TASOR2: variants seen among roughly 807,000 people sequenced by gnomAD.
The protein encoded by TASOR2 is transcription activation suppressor family member 2.
A neutral mutation model predicts 199.5 loss-of-function variants in TASOR2; 84 were observed. The ratio of observed to expected loss-of-function variants is 0.42; its 90% confidence interval spans 0.35 to 0.50. The LOEUF (loss-of-function observed/expected upper bound fraction) is 0.50, where lower values mean the gene tolerates loss of function less well. Ranked by LOEUF, TASOR2 falls within the 20% of genes least tolerant of loss-of-function variation. The pLI, the probability that TASOR2 is intolerant of heterozygous loss-of-function variation, is 0.02. For synonymous variants in TASOR2, 1,103 were observed against 1,046.6 expected, an observed-to-expected ratio of 1.05 and a Z score of -1.04; for missense variants, 2,796 against 2,835.9, an observed-to-expected ratio of 0.99 and a Z score of 0.32.
chr10:5,703,648 C>T lies in TASOR2; in HGVS notation c.-287-9175C>T, dbSNP rs1053560589. 3.3e-5 allele frequency among the ~76,000 whole-genome samples: 5 copies of T among 151,340 alleles called. No individual in the cohort carries two copies. In the South Asian group the frequency reaches 6.3e-4, roughly 19 times the overall value. ...CCTCCCGAGTATCTGGGACTACAGG[C>T]GCCCGCCACCACGCCCGGCTAATTT... is the stretch of plus-strand genomic sequence containing the variant. On this transcript the variant is annotated intron_variant, in intron 1 of 20. Transcript: ENST00000328090.
rs1377868941 is a variant in TASOR2 at position 5,748,082 on chromosome 10, C to T, written c.4661C>T (p.Pro1554Leu). Residue 1554 changes from proline to leucine, a missense_variant, in exon 15 of 21, where the codon CCA (proline) becomes CTA (leucine). By Grantham distance (98) the Pro-to-Leu change is moderately conservative. This residue lies in a region of TASOR2 where 1,941 missense variants were observed against 1,924.9 expected (regional missense o/e 1.01). Transcript: ENST00000328090. The surrounding 1 kb of genome is among the most constrained non-coding windows in gnomAD (Gnocchi z 5.1). ...GTAAAATCAGGAAATCCATTGCAGC[C>T]AGTTAGTATAGAGAATAGAAATTTG... The T allele has an allele frequency of 6.2e-7, 1 of 1,614,172 alleles. No individual in the cohort carries two copies. Among genetic ancestry groups the T allele is most frequent in the African/African-American group, 1.3e-5 (1 of 75,044 alleles).
intron 15 of TASOR2, among the ~76,000 whole-genome samples, chr10:5,755,663 ACAGAAACC>A (rs1054051622): frequency 1.3e-5 from 2 of 152,134 alleles, no homozygotes; most frequent in Non-Finnish European, 2.9e-5. Context: ...TCTGGGCATA[ACAGAAACC>A]CAGAATCCTT....
chr10:5,688,347 G>C (rs986505124), intron 1 of TASOR2, among the ~76,000 whole-genome samples: 16 of 150,402 alleles, frequency 1.1e-4, no homozygotes, highest in African/African-American at 3.9e-4. Context: ...TCAGCCTCCT[G>C]AGTAACTAGG....
rs71485440 is a variant in TASOR2, at chr10:5,754,781, C to T, written c.6607-1832C>T. Among the ~76,000 whole-genome samples the T allele has an allele frequency of 2.4e-4, 37 of 152,150 alleles. No homozygotes were observed. Among genetic ancestry groups the T allele is most frequent in the African/African-American group, 7.5e-4 (31 of 41,510 alleles). ...GGACACGGCCGGGCGCGGTGGCTCA[C>T]GCCTGTAATCCCAGCACTTTGGGAG... On this transcript the variant is annotated intron_variant, in intron 15 of 20. Coordinates refer to ENST00000328090, the Ensembl canonical transcript of TASOR2. This position sits in a 1 kb window ranked among gnomAD's most constrained non-coding sequence, Gnocchi z 4.3.
At chr10:5,695,967 C>T (rs897964849) in intron 1 of TASOR2, among the ~76,000 whole-genome samples, 1 of 152,102 alleles carries the variant, frequency 6.6e-6, no homozygotes, top group Admixed American at 6.5e-5. Flanking sequence ...CCTGGAACCC[C>T]TTCTCCACTC....
At chr10:5,692,301 A>G (rs1034077303) in intron 1 of TASOR2, among the ~76,000 whole-genome samples, 12 of 152,224 alleles carry the variant, frequency 7.9e-5, no homozygotes, top group African/African-American at 2.9e-4. Flanking sequence ...GAGTTATAAT[A>G]ACTTGAGATC....
At chr10:5,692,780 G>T (rs543598922) in intron 1 of TASOR2, 1 of 152,060 alleles carries the variant, frequency 6.6e-6, no homozygotes, top group East Asian at 2.0e-4. Flanking sequence ...AAAAGGCGCC[G>T]CCGGCCCCGC....
chr10:5,762,445 G>T (rs1422115379), intron 19 of TASOR2, 87 bp from the exon 21 acceptor site: 1 of 377,846 alleles, frequency 2.6e-6, no homozygotes, highest in Non-Finnish European at 4.6e-6. Flanking sequence ...AAGTTCCACA[G>T]ATTTTTTAAA....
Position 5,740,887 on chromosome 10 carries a change from G to A in TASOR2, c.2327+390G>A, listed in dbSNP as rs1836321774. Among the ~76,000 whole-genome samples, 1 of 152,174 alleles carries A rather than the reference G, an allele frequency of 6.6e-6. No individual in the cohort carries two copies. Reference sequence around the variant, plus strand: ...ACATTTTAAAAATCACTGTAGCTTGGTAAATTGGTCAGATTGATAGGAGTA... The same window carrying A: ...ACATTTTAAAAATCACTGTAGCTTGATAAATTGGTCAGATTGATAGGAGTA... On this transcript the variant is annotated intron_variant, in intron 13 of 20. Transcript: ENST00000328090. This position sits in a 1 kb window ranked among gnomAD's most constrained non-coding sequence, Gnocchi z 5.3.
At chr10:5,707,057 CA>C (rs1437690220) in intron 1 of TASOR2, among the ~76,000 whole-genome samples, 1 of 150,936 alleles carries the variant, frequency 6.6e-6, no homozygotes. Context: ...TCATTAATAA[CA>C]ATAGCTTCCT....
In TASOR2 at chr10:5,742,518, A is replaced by G. The variant is rs1397630475; in HGVS notation, c.2749A>G (p.Asn917Asp). 1.9e-6 allele frequency: 3 copies of G among 1,612,492 alleles called. No individual in the cohort carries two copies. Among genetic ancestry groups the G allele is most frequent in the South Asian group, 2.2e-5 (2 of 90,784 alleles). Residue 917 changes from asparagine to aspartate, a missense_variant, in exon 14 of 21, where the codon AAT becomes GAT. Physicochemically the swap from Asn to Asp is conservative, Grantham distance 23. Around this residue, in one of 3 missense-constraint regions of TASOR2, gnomAD observed 1,941 missense variants for 1,924.9 expected, o/e 1.01. Transcript: ENST00000328090. The surrounding 1 kb of genome is among the most constrained non-coding windows in gnomAD (Gnocchi z 4.2). ...AGACCAGAATTTCATCTGTTCTTACAATAATGAGGTATGTAAAGCTGAATA... is the reference window on the plus strand; with the variant it reads ...AGACCAGAATTTCATCTGTTCTTACGATAATGAGGTATGTAAAGCTGAATA...
intron 16 of TASOR2, 118 bp downstream of exon 17, chr10:5,756,856 C>A: frequency 2.8e-6 from 3 of 1,066,424 alleles, no homozygotes; most frequent in Non-Finnish European, 4.0e-6. Flanking sequence ...TACTGTTGGG[C>A]CTTTAAGTGG....
chr10:5,728,507 G>A (rs1351781741), intron 10 of TASOR2, among the ~76,000 whole-genome samples: 1 of 151,886 alleles, frequency 6.6e-6, no homozygotes. Context: ...TTGGTGGTAT[G>A]TGCCTCTAGT....
intron 15 of TASOR2, among the ~76,000 whole-genome samples, chr10:5,755,800 A>C (rs1318395876): frequency 6.6e-6 from 1 of 151,900 alleles, no homozygotes. Flanking sequence ...GCTTGAGGCC[A>C]GCCTGAGCAA....
intron 18 of TASOR2, 39 bp downstream of exon 19, chr10:5,759,031 T>C (rs565341223): frequency 1.4e-6 from 2 of 1,471,154 alleles, no homozygotes; most frequent in African/African-American, 1.4e-5. Flanking sequence ...CCTGCCCTGC[T>C]GGGGTAGCAG....
Position 5,731,510 on chromosome 10 carries a change from G to A in TASOR2, c.1204+307G>A, listed in dbSNP as rs943999078. ...GCCATTGCGCTCCCGCCTGGGTGAC[G>A]AGCAAATCTCCATCTCAATAATAAT... On this transcript the variant is annotated intron_variant, in intron 11 of 20. Coordinates refer to ENST00000328090, the Ensembl canonical transcript of TASOR2. Among the ~76,000 whole-genome samples the A allele has an allele frequency of 7.9e-5, 12 of 152,206 alleles. No homozygotes were observed. In the South Asian group the frequency reaches 1.2e-3, roughly 16 times the overall value.
At chr10:5,721,304 A>T (rs1474339876) in intron 6 of TASOR2, among the ~76,000 whole-genome samples, 2 of 152,226 alleles carry the variant, frequency 1.3e-5, no homozygotes, top group African/African-American at 2.4e-5. Context: ...CATTTGCAGT[A>T]TCTGATTTTC....
intron 12 of TASOR2, among the ~76,000 whole-genome samples, chr10:5,736,658 AG>A (rs962557942): frequency 8.5e-5 from 13 of 152,316 alleles, no homozygotes; most frequent in African/African-American, 3.1e-4. Context: ...GAACTGCTCC[AG>A]TTTTGTATTT....
chr10:5,736,332 C>T (rs184950214), intron 12 of TASOR2, among the ~76,000 whole-genome samples: 3,418 of 152,016 alleles, frequency 0.022, 59 homozygotes, highest in Non-Finnish European at 0.038. Flanking sequence ...GCAGGAGAAT[C>T]GCTTGAACCT....
Sources: allele counts gnomAD v4.1 joint callset (sites outside exome capture counted in the v4.1 genomes callset), GRCh38; gene constraint gnomAD v4.1.1; regional missense constraint gnomAD v4.1.1; non-coding constraint Gnocchi (gnomAD v3.1); transcripts MANE v1.5; gene names NCBI Gene and HGNC (gene_info 2026-07-23, HGNC 2026-07-21).